BOK: variants seen among roughly 807,000 people sequenced by gnomAD.
BOK encodes the protein BCL2 family apoptosis regulator BOK.
A neutral mutation model predicts 18.3 loss-of-function variants in BOK; 20 were observed. The observed-to-expected ratio is 1.09, with a 90% CI of 0.77 to 1.59. BOK has a LOEUF of 1.59. BOK is among the 40% of genes most tolerant of loss of function. The pLI, the probability that BOK is intolerant of heterozygous loss-of-function variation, is 0.00. For synonymous variants in BOK, 173 were observed against 142.4 expected (o/e 1.21, Z -1.53); for missense variants, 348 against 307.9 (o/e 1.13, Z -0.97).
chr2:241,554,129 C>T (rs761767644), upstream of BOK, among the ~76,000 whole-genome samples: 1 of 152,226 alleles, frequency 6.6e-6, no homozygotes, highest in Non-Finnish European at 1.5e-5. Flanking sequence ...GTCTCCAAGG[C>T]GGCACAAGGC....
At chr2:241,556,440 C>T (rs548530550), upstream of BOK, among the ~76,000 whole-genome samples, 73 of 152,196 alleles carry the variant, frequency 4.8e-4, no homozygotes, top group Non-Finnish European at 7.8e-4. Context: ...AACAATTAGC[C>T]GGGCGTGGTG....
chr2:241,551,841 G>A (rs539833781), intron 1 of BOK, among the ~76,000 whole-genome samples: 89 of 152,196 alleles, frequency 5.8e-4, no homozygotes, highest in Admixed American at 1.3e-3. Context: ...GGATGGTGGA[G>A]GTGTCTTGCC....
chr2:241,566,563 C>A lies in BOK; in HGVS notation c.350-3562C>A, dbSNP rs536164488. ...CTCCTGACCTCAGGTGATCCACCCACTTCGGCCTCCCACAGTGCTGGGAAA... is the reference window on the plus strand; with the variant it reads ...CTCCTGACCTCAGGTGATCCACCCAATTCGGCCTCCCACAGTGCTGGGAAA... On this transcript the variant is annotated intron_variant, in intron 3 of 4. Transcript: ENST00000318407. Among the ~76,000 whole-genome samples the A allele has an allele frequency of 2.0e-5, 3 of 152,256 alleles. No homozygotes were observed. In the East Asian group the frequency reaches 5.8e-4, roughly 30 times the overall value.
At chr2:241,557,940 G>T (rs907862100), upstream of BOK, among the ~76,000 whole-genome samples, 1 of 151,690 alleles carries the variant, frequency 6.6e-6, no homozygotes, top group Admixed American at 6.6e-5. Context: ...GGAAGAATAA[G>T]TATTTTATAG....
intron 3 of BOK, among the ~76,000 whole-genome samples, chr2:241,565,414 C>T (rs2066595497): frequency 6.6e-6 from 1 of 152,110 alleles, no homozygotes; most frequent in Admixed American, 6.5e-5. Context: ...CTCAGGCCCA[C>T]TGGCAGTTGC....
chr2:241,565,651 G>A (rs913173838), intron 3 of BOK, among the ~76,000 whole-genome samples: 13 of 152,332 alleles, frequency 8.5e-5, no homozygotes, highest in Non-Finnish European at 1.6e-4. Context: ...CTGCAGGCAA[G>A]CTGCACAGCC....
rs1411934619 is a variant in BOK, at chr2:241,559,647, G to A, written c.164G>A (p.Arg55His). The stretch of plus-strand genomic sequence containing the variant: ...GGCCTCTCCTGGAGCGCGCCCGAGC[G>A]TGCCGCGCCGGTCCCGGGACGCCTG... ...RAGLSWSAPERAAPVPGRLAE... is the reference protein window; with the variant it reads ...RAGLSWSAPEHAAPVPGRLAE... Residue 55 changes from arginine (R) to histidine (H), a missense_variant, in exon 2 of 5, where the codon CGT (arginine) becomes CAT (histidine). Coordinates refer to ENST00000318407, the MANE Select transcript of BOK (RefSeq NM_032515.5). The A allele has an allele frequency of 3.6e-6, 5 of 1,395,564 alleles. No homozygotes were observed. Among genetic ancestry groups the A allele is most frequent in the Non-Finnish European group, 4.6e-6 (5 of 1,083,572 alleles). 86.4% of individuals were successfully genotyped at this position (1,395,564 alleles called of 1,614,324 possible).
intron 2 of BOK, chr2:241,560,102 G>T: frequency 1.0e-6 from 1 of 985,346 alleles, no homozygotes; most frequent in Non-Finnish European, 1.2e-6. Context: ...GATCCCGCCC[G>T]CTGCCCTCTG....
At chr2:241,560,864 C>T (rs2066517348) in intron 2 of BOK, among the ~76,000 whole-genome samples, 1 of 151,982 alleles carries the variant, frequency 6.6e-6, no homozygotes, top group African/African-American at 2.4e-5. Context: ...TAGGGGGACC[C>T]CAGAGGGACA....
At chr2:241,561,084 G>A (rs1050978418) in intron 2 of BOK, among the ~76,000 whole-genome samples, 7 of 152,208 alleles carry the variant, frequency 4.6e-5, no homozygotes, top group Admixed American at 2.0e-4. Context: ...CCCGCCCCCA[G>A]CCAGCCTCTC....
upstream of BOK, among the ~76,000 whole-genome samples, chr2:241,555,941 G>C (rs551819039): frequency 6.6e-6 from 1 of 152,318 alleles, no homozygotes; most frequent in South Asian, 2.1e-4. Context: ...CGGGAAGGTT[G>C]CAGGTGTGAG....
At chr2:241,560,830 G>A (rs1229558616) in intron 2 of BOK, among the ~76,000 whole-genome samples, 1 of 152,182 alleles carries the variant, frequency 6.6e-6, no homozygotes, top group African/African-American at 2.4e-5. Context: ...CCCCTGGAAT[G>A]GCTGGGAAGA....
intron 3 of BOK, among the ~76,000 whole-genome samples, chr2:241,569,055 C>G (rs1456615046): frequency 1.3e-5 from 2 of 152,180 alleles, no homozygotes; most frequent in East Asian, 3.8e-4. Context: ...TGCCAGTGCC[C>G]TCAAGCTGGG....
intron 4 of BOK, 55 bp from the exon 5 acceptor site, chr2:241,572,242 T>TG (rs563863461): frequency 3.1e-6 from 5 of 1,591,598 alleles, no homozygotes; most frequent in Non-Finnish European, 4.3e-6. Flanking sequence ...CTGGCGGTGC[T>TG]GGGGGCCTGG....
chr2:241,569,510 T>C (rs2066671699), intron 3 of BOK, among the ~76,000 whole-genome samples: 1 of 152,248 alleles, frequency 6.6e-6, no homozygotes, highest in African/African-American at 2.4e-5. Context: ...ACATTTTTCG[T>C]GTCTCTTATT....
intron 2 of BOK, chr2:241,560,158 G>A (rs1435942472): frequency 1.7e-5 from 17 of 985,342 alleles, no homozygotes; most frequent in Non-Finnish European, 1.9e-5. Context: ...TGCGCCCACC[G>A]GGCTGGGTAG....
chr2:241,560,348 A>C (rs910031150), intron 2 of BOK: 1 of 940,792 alleles, frequency 1.1e-6, no homozygotes, highest in African/African-American at 1.8e-5. Context: ...TCACCTGGGA[A>C]TGTTTATGTG....
Position 241,559,537 on chromosome 2 carries a change from T to C in BOK, c.54T>C (p.Phe18=). The change falls in exon 2 of 5, where the codon TTT becomes TTC. Residue 18 remains phenylalanine, a synonymous_variant. Transcript: ENST00000318407. ...TCGCCGCCGAGATCATGGACGCCTT[T>C]GACCGCTCGCCCACAGACAAGGAGC... The part of the protein sequence containing the change: ...SVFAAEIMDA[F]DRSPTDKELV... 6.6e-7 allele frequency: 1 copy of C among 1,524,668 alleles called. No homozygotes were observed. Among genetic ancestry groups the C allele is most frequent in the Non-Finnish European group, 8.7e-7 (1 of 1,145,168 alleles). The allele number at this position is 1,524,668 out of a possible 1,614,324, so 94.4% of individuals were successfully genotyped here. A position where few individuals can be genotyped will look rare whatever the true frequency, so the allele number is the denominator to read the frequency against.
rs767745514 is a variant in BOK at position 241,559,540 on chromosome 2, C to T, written c.57C>T (p.Asp19=). The T allele has an allele frequency of 7.9e-6, 12 of 1,525,370 alleles. No homozygotes were observed. The highest frequency in any genetic ancestry group is 9.6e-6 in the Non-Finnish European group (11 of 1,145,528). 94.5% of individuals were successfully genotyped at this position (1,525,370 alleles called of 1,614,324 possible). A position where few individuals can be genotyped will look rare whatever the true frequency, so the allele number is the denominator to read the frequency against. Residue 19 remains aspartate (D), a synonymous_variant, in exon 2 of 5, where the codon GAC becomes GAT. Coordinates refer to ENST00000318407, the MANE Select transcript of BOK (RefSeq NM_032515.5). The part of the protein sequence containing the change: ...VFAAEIMDAF[D]RSPTDKELVA... The stretch of plus-strand genomic sequence containing the variant: ...CCGCCGAGATCATGGACGCCTTTGA[C>T]CGCTCGCCCACAGACAAGGAGCTGG...
Sources: gnomAD v4.1 joint callset for allele counts (sites outside exome capture counted in the v4.1 genomes callset) on GRCh38, gnomAD v4.1.1 for gene constraint, MANE v1.5 for transcripts, NCBI Gene and HGNC (gene_info 2026-07-23, HGNC 2026-07-21) for gene names.